CHRM3: variants seen among roughly 807,000 people sequenced by gnomAD.
CHRM3 encodes the protein muscarinic acetylcholine receptor M3.
A neutral mutation model predicts 41.8 loss-of-function variants in CHRM3; 11 were observed. That is an observed-to-expected ratio of 0.26 (90% CI 0.17 to 0.44). The LOEUF (loss-of-function observed/expected upper bound fraction) is 0.44. Ranked by LOEUF, CHRM3 falls within the 20% of genes least tolerant of loss-of-function variation. CHRM3 has a pLI of 1.00. For missense variants in CHRM3, 571 were observed against 745.4 expected (o/e 0.77, Z 2.72); for synonymous variants, 297 against 301.4 (o/e 0.99, Z 0.15).
At chr1:239,880,334 C>T in intron 6 of CHRM3, among the ~76,000 whole-genome samples, 1 of 152,222 alleles carries the variant, frequency 6.6e-6, no homozygotes, top group Admixed American at 6.5e-5. Flanking sequence ...GGTCGCTGGT[C>T]TCAGCTGGCT....
chr1:239,817,059 G>A (rs1671653145), intron 5 of CHRM3, among the ~76,000 whole-genome samples: 1 of 152,156 alleles, frequency 6.6e-6, no homozygotes, highest in African/African-American at 2.4e-5. Context: ...GATGATATTA[G>A]CACATGTGAG....
intron 6 of CHRM3, among the ~76,000 whole-genome samples, chr1:239,849,590 A>AT (rs1369658536): frequency 1.3e-5 from 2 of 152,202 alleles, no homozygotes; most frequent in Non-Finnish European, 2.9e-5. Context: ...AAAAGAACCT[A>AT]TCAAATATTT....
chr1:239,579,304 C>G (rs919601741), intron 3 of CHRM3, among the ~76,000 whole-genome samples: 3 of 152,164 alleles, frequency 2.0e-5, no homozygotes, highest in Non-Finnish European at 4.4e-5. Flanking sequence ...ATTCCCCAGT[C>G]TTTCTTCATG....
chr1:239,386,873 G>A lies in CHRM3; in HGVS notation c.-875G>A, dbSNP rs1176476358. ...GCGCGGGGGCGGCACTGCCGAGCCG[G>A]GAGCGCTGCCGCTTGGGCAGGTGCC... On this transcript the variant is annotated 5_prime_UTR_variant, in exon 1 of 7. Transcript: ENST00000676153. 1.3e-5 allele frequency: 2 copies of A among 151,968 alleles called. No homozygotes were observed. Among genetic ancestry groups the A allele is most frequent in the Non-Finnish European group, 2.9e-5 (2 of 68,004 alleles). The allele number at this position is 151,968 out of a possible 1,614,324, so 9.4% of individuals were successfully genotyped here. A position where few individuals can be genotyped will look rare whatever the true frequency, so the allele number is the denominator to read the frequency against.
intron 2 of CHRM3, among the ~76,000 whole-genome samples, chr1:239,504,611 A>G (rs1668444842): frequency 6.6e-6 from 1 of 152,214 alleles, no homozygotes; most frequent in Non-Finnish European, 1.5e-5. Context: ...AGATACTTGC[A>G]CACATGTTTA....
At chr1:239,621,040 C>G (rs1205903012) in intron 3 of CHRM3, among the ~76,000 whole-genome samples, 2 of 152,112 alleles carry the variant, frequency 1.3e-5, no homozygotes, top group Non-Finnish European at 2.9e-5. Context: ...TTTCCAACCC[C>G]AAGTGCTCAC....
At position 239,710,654 on chromosome 1, in the gene CHRM3, G is replaced by C. The variant is rs183217696; in HGVS notation, c.-147+32366G>C. On this transcript the variant is annotated intron_variant, in intron 5 of 6. Coordinates refer to ENST00000676153, the MANE Select transcript of CHRM3 (RefSeq NM_001375978.1). Reference sequence around the variant, plus strand: ...GTCATTTAACCAGGTATCAGACAGAGAATTTAGTAACTATATTGAATGCCA... The same window carrying C: ...GTCATTTAACCAGGTATCAGACAGACAATTTAGTAACTATATTGAATGCCA... Among the ~76,000 whole-genome samples the C allele has an allele frequency of 1.2e-4, 18 of 152,142 alleles. No individual in the cohort carries two copies. The South Asian group carries it at 3.3e-3, about 28-fold the overall frequency.
At chr1:239,756,243 G>T (rs1193855069) in intron 5 of CHRM3, among the ~76,000 whole-genome samples, 1 of 152,140 alleles carries the variant, frequency 6.6e-6, no homozygotes, top group East Asian at 1.9e-4. Context: ...AGTCAGGCTG[G>T]TTCATTGACT....
chr1:239,797,305 A>G (rs1019073945), intron 5 of CHRM3, among the ~76,000 whole-genome samples: 1 of 152,134 alleles, frequency 6.6e-6, no homozygotes, highest in Non-Finnish European at 1.5e-5. Context: ...AGCATCACGC[A>G]ATATATCCAG....
intron 2 of CHRM3, among the ~76,000 whole-genome samples, chr1:239,505,806 T>G (rs1668528421): frequency 6.6e-6 from 1 of 152,162 alleles, no homozygotes; most frequent in African/African-American, 2.4e-5. Context: ...TCCTAGAGAC[T>G]TGTTGAATGG....
intron 6 of CHRM3, among the ~76,000 whole-genome samples, chr1:239,840,495 T>C (rs889337309): frequency 7.2e-5 from 11 of 152,190 alleles, no homozygotes; most frequent in African/African-American, 2.4e-4. Flanking sequence ...ACAAAAAAAT[T>C]CAATTCTGTG....
At chr1:239,545,389 T>C (rs1659192893) in intron 2 of CHRM3, among the ~76,000 whole-genome samples, 1 of 152,150 alleles carries the variant, frequency 6.6e-6, no homozygotes, top group Admixed American at 6.6e-5. Context: ...ACTTGGGTGA[T>C]AGGTGTACTA....
Position 239,389,749 on chromosome 1 carries a change from C to T in CHRM3, c.-521+2522C>T, listed in dbSNP as rs530351751. On this transcript the variant is annotated intron_variant, in intron 1 of 6. Transcript: ENST00000676153. ...TCAGATTTTTAGTTAAAATCTCTGT[C>T]ATTTTCCCAGCCAACATATTGTTCT... 1.9e-4 allele frequency among the ~76,000 whole-genome samples: 29 copies of T among 152,320 alleles called. No individual in the cohort carries two copies. The Middle Eastern group carries it at 0.014, about 71-fold the overall frequency.
At chr1:239,412,152 G>A (rs1475949499) in intron 1 of CHRM3, among the ~76,000 whole-genome samples, 5 of 148,610 alleles carry the variant, frequency 3.4e-5, no homozygotes, top group Non-Finnish European at 7.4e-5. Flanking sequence ...TTATCTTTTT[G>A]TATTATTTTT....
At chr1:239,564,254 A>G (rs1480239624) in intron 3 of CHRM3, among the ~76,000 whole-genome samples, 2 of 152,218 alleles carry the variant, frequency 1.3e-5, no homozygotes, top group Non-Finnish European at 2.9e-5. Context: ...AGTAGAACAT[A>G]TATTACATTT....
intron 5 of CHRM3, among the ~76,000 whole-genome samples, chr1:239,816,890 C>T (rs1192351358): frequency 4.6e-5 from 7 of 151,980 alleles, no homozygotes; most frequent in Non-Finnish European, 8.8e-5. Flanking sequence ...ACCATTATGC[C>T]CAGCTAATTT....
At chr1:239,715,889 G>A (rs1182546530) in intron 5 of CHRM3, among the ~76,000 whole-genome samples, 1 of 152,096 alleles carries the variant, frequency 6.6e-6, no homozygotes, top group Admixed American at 6.6e-5. Context: ...AACAGTTAAA[G>A]CTTGAAAGAA....
At chr1:239,599,491 T>C (rs2148678718) in intron 3 of CHRM3, among the ~76,000 whole-genome samples, 1 of 151,878 alleles carries the variant, frequency 6.6e-6, no homozygotes, top group East Asian at 1.9e-4. Flanking sequence ...GGCTTTAACT[T>C]CTATCCATTT....
Position 239,566,676 on chromosome 1 carries a change from T to C in CHRM3, c.-313+20927T>C, listed in dbSNP as rs1661389750. Reference sequence around the variant, plus strand: ...ATTCTCTAAGAAATGTGAAGAATTCTACACATATAAGTTTGGAGGGAATTT... The same window carrying C: ...ATTCTCTAAGAAATGTGAAGAATTCCACACATATAAGTTTGGAGGGAATTT... On this transcript the variant is annotated intron_variant, in intron 3 of 6. Transcript: ENST00000676153. Among the ~76,000 whole-genome samples, 3 of 152,320 alleles carry C rather than the reference T, an allele frequency of 2.0e-5. 1 individual carries two copies. Among genetic ancestry groups the C allele is most frequent in the Non-Finnish European group, 4.4e-5 (3 of 68,032 alleles).
Sources: gnomAD v4.1 joint callset for allele counts (sites outside exome capture counted in the v4.1 genomes callset) on GRCh38, gnomAD v4.1.1 for gene constraint, MANE v1.5 for transcripts, NCBI Gene and HGNC (gene_info 2026-07-23, HGNC 2026-07-21) for gene names.